The following SNX29 variants were observed in gnomAD, a reference collection of about 807,000 sequenced individuals.
SNX29 encodes the protein sorting nexin 29, also known as sorting nexin-29.
A neutral mutation model predicts 102.1 loss-of-function variants in SNX29; 78 were observed. That is an observed-to-expected ratio of 0.76 (90% CI 0.64 to 0.92). The LOEUF is 0.92. Among genes scored for constraint, SNX29 ranks in the 40% least tolerant of loss-of-function variants. SNX29 has a pLI of 0.00. For missense variants in SNX29, 1,280 were observed against 1,061.7 expected (o/e 1.21, Z -2.86); for synonymous variants, 580 against 414.5 (o/e 1.40, Z -4.85).
intron 20 of SNX29, among the ~76,000 whole-genome samples, chr16:12,561,846 A>AG (rs2141483107): frequency 6.6e-6 from 1 of 152,112 alleles, no homozygotes; most frequent in Admixed American, 6.5e-5. Flanking sequence ...AGGGGAGGGG[A>AG]GGCAGTGCCC....
At chr16:12,560,259 C>G (rs565500443) in intron 20 of SNX29, among the ~76,000 whole-genome samples, 1 of 151,538 alleles carries the variant, frequency 6.6e-6, no homozygotes, top group Non-Finnish European at 1.5e-5. Flanking sequence ...TTAAAAATAT[C>G]AGGAACACAG....
intron 17 of SNX29, among the ~76,000 whole-genome samples, chr16:12,400,632 G>C (rs576121363): frequency 4.7e-4 from 71 of 152,178 alleles, no homozygotes; most frequent in Non-Finnish European, 8.8e-4. Context: ...GGCCCTGGAA[G>C]TCACTCTCCT....
rs1239368668 is a variant in SNX29, at chr16:12,568,505, G to C, written c.2319-1G>C. The C allele has an allele frequency of 6.2e-7, 1 of 1,609,716 alleles. No homozygotes were observed. Among genetic ancestry groups the C allele is most frequent in the East Asian group, 2.2e-5 (1 of 44,850 alleles). The stretch of plus-strand genomic sequence containing the variant: ...ACCCGATTCTCTCCCTGCTCTTTCA[G>C]CGACATCACCCCGCCCGGAGAGCCT... On this transcript the variant is annotated splice_acceptor_variant, in intron 20 of 20. Transcript: ENST00000566228. LOFTEE classifies it high-confidence loss of function.
In SNX29 at chr16:12,573,219, A is replaced by G. The variant is rs10609; in HGVS notation, c.*4590A>G. ...CGGCTCTAGGCAGACCGGATCCCGC[A>G]GTTCATCCCATGGTTGTTGAAATGT... is the stretch of plus-strand genomic sequence containing the variant. On this transcript the variant is annotated 3_prime_UTR_variant, in exon 21 of 21. Transcript: ENST00000566228. 0.24 allele frequency: 54,883 copies of G among 226,348 alleles called. 6,995 individuals carry two copies. The highest frequency in any genetic ancestry group is 0.43 in the East Asian group (6,781 of 15,624). 14.0% of individuals were successfully genotyped at this position (226,348 alleles called of 1,614,324 possible).
chr16:12,435,463 G>T (rs1363172353), intron 18 of SNX29, among the ~76,000 whole-genome samples: 1 of 152,184 alleles, frequency 6.6e-6, no homozygotes, highest in Non-Finnish European at 1.5e-5. Flanking sequence ...AGGCAGGCGG[G>T]TACGAGGCTC....
At chr16:12,303,546 G>T (rs1425219539) in intron 15 of SNX29, among the ~76,000 whole-genome samples, 1 of 152,176 alleles carries the variant, frequency 6.6e-6, no homozygotes, top group East Asian at 1.9e-4. Flanking sequence ...GGTAGGTTAA[G>T]AATTCACACT....
At chr16:12,374,967 A>C (rs1419822886) in intron 16 of SNX29, 1 of 152,226 alleles carries the variant, frequency 6.6e-6, no homozygotes, top group Non-Finnish European at 1.5e-5. Flanking sequence ...AAGTGAAAAA[A>C]GATGAATGGT....
intron 14 of SNX29, among the ~76,000 whole-genome samples, chr16:12,204,148 C>A (rs1596499113): frequency 6.6e-6 from 1 of 152,170 alleles, no homozygotes; most frequent in East Asian, 1.9e-4. Context: ...AGCAGCTGAG[C>A]TGAAAGGCAG....
intron 19 of SNX29, among the ~76,000 whole-genome samples, chr16:12,491,405 T>C (rs572225673): frequency 6.6e-6 from 1 of 152,376 alleles, no homozygotes; most frequent in East Asian, 1.9e-4. Flanking sequence ...AGAATTCCCA[T>C]TGTTTCACAT....
intron 16 of SNX29, among the ~76,000 whole-genome samples, chr16:12,396,439 G>T (rs1252358060): frequency 6.6e-6 from 1 of 152,108 alleles, no homozygotes; most frequent in Non-Finnish European, 1.5e-5. Flanking sequence ...TGTAGCAGTG[G>T]AGCTGGTGTC....
At chr16:12,562,565 G>T (rs1187074429) in intron 20 of SNX29, among the ~76,000 whole-genome samples, 4 of 152,138 alleles carry the variant, frequency 2.6e-5, no homozygotes, top group Non-Finnish European at 5.9e-5. Flanking sequence ...CTGTCCCCGT[G>T]GTCCCTAGTT....
intron 13 of SNX29, among the ~76,000 whole-genome samples, chr16:12,179,951 A>G (rs2076344775): frequency 6.6e-6 from 1 of 152,184 alleles, no homozygotes; most frequent in Admixed American, 6.5e-5. Flanking sequence ...TCTAGGTGTT[A>G]GTCATTCCGT....
At chr16:12,521,489 A>G (rs369669786) in intron 19 of SNX29, among the ~76,000 whole-genome samples, 138 of 152,218 alleles carry the variant, frequency 9.1e-4, no homozygotes, top group African/African-American at 3.3e-3. Context: ...TGGGCTCTGT[A>G]GCACCACCCC....
intron 20 of SNX29, among the ~76,000 whole-genome samples, chr16:12,552,645 G>A (rs1259882341): frequency 2.0e-5 from 3 of 152,214 alleles, no homozygotes; most frequent in Non-Finnish European, 2.9e-5. Context: ...CAAATGGAAG[G>A]ATTGCAATGG....
intron 11 of SNX29, among the ~76,000 whole-genome samples, chr16:12,097,367 C>A (rs2052810750): frequency 6.6e-6 from 1 of 152,220 alleles, no homozygotes; most frequent in Non-Finnish European, 1.5e-5. Flanking sequence ...CCTGGAGACC[C>A]TGCACCAAGC....
intron 13 of SNX29, among the ~76,000 whole-genome samples, chr16:12,142,160 T>C (rs2141510648): frequency 6.6e-6 from 1 of 152,314 alleles, no homozygotes; most frequent in South Asian, 2.1e-4. Flanking sequence ...TCTTTTTGAG[T>C]CCTTGTCTAG....
chr16:12,568,753 A>T lies in SNX29; in HGVS notation c.*124A>T. The T allele has an allele frequency of 1.4e-6, 2 of 1,390,646 alleles. No individual in the cohort carries two copies. Among genetic ancestry groups the T allele is most frequent in the East Asian group, 2.5e-5 (1 of 40,338 alleles). The allele number at this position is 1,390,646 out of a possible 1,614,324, so 86.1% of individuals were successfully genotyped here. A position where few individuals can be genotyped will look rare whatever the true frequency, so the allele number is the denominator to read the frequency against. On this transcript the variant is annotated 3_prime_UTR_variant, in exon 21 of 21. Coordinates refer to ENST00000566228, the MANE Select transcript of SNX29 (RefSeq NM_032167.5). ...CACCTGGTGATCCTGAGAGCACACG[A>T]TTCCCAACAGTTACACAACACCCCG...
At chr16:12,481,550 A>ACC (rs1381753510) in intron 19 of SNX29, among the ~76,000 whole-genome samples, 17 of 111,752 alleles carry the variant, frequency 1.5e-4, no homozygotes, top group African/African-American at 5.6e-4. Context: ...ACACACACAC[A>ACC]CACACCCCAA....
intron 15 of SNX29, among the ~76,000 whole-genome samples, chr16:12,344,336 C>T (rs2081710272): frequency 6.6e-6 from 1 of 152,172 alleles, no homozygotes; most frequent in Non-Finnish European, 1.5e-5. Context: ...ACTCTGGTTC[C>T]AATCCCACGG....
Sources: allele counts gnomAD v4.1 joint callset (sites outside exome capture counted in the v4.1 genomes callset), GRCh38; gene constraint gnomAD v4.1.1; transcripts MANE v1.5; gene names NCBI Gene and HGNC (gene_info 2026-07-23, HGNC 2026-07-21).